Variants in OR4E2 observed in about 807,000 individuals in gnomAD.
OR4E2 encodes olfactory receptor 4E2.
In OR4E2, 9 loss-of-function variants were observed where a neutral mutation model predicts 11.0. The observed-to-expected ratio is 0.82, with a 90% CI of 0.49 to 1.43. OR4E2 has a LOEUF of 1.43. OR4E2 is among the 40% of genes most tolerant of loss of function. The probability of loss-of-function intolerance (pLI) is 0.00; values close to 1 mark genes in which losing one functional copy is unlikely to be tolerated. For synonymous variants in OR4E2, 159 were observed against 147.3 expected (o/e 1.08, Z -0.57); for missense variants, 441 against 382.0 (o/e 1.15, Z -1.29).
rs530038294 is a variant in OR4E2 at position 21,665,886 on chromosome 14, C to T, written c.804C>T (p.Asp268=). 9.3e-6 allele frequency: 15 copies of T among 1,609,654 alleles called. No homozygotes were observed. The South Asian group carries it at 1.7e-4, about 18-fold the overall frequency. ...GGCCAGACACCAGCTTCTCCATTGA[C>T]AAGGTGGTGTCTGTCTTCTACACAG... The part of the protein sequence containing the change: ...YTRPDTSFSI[D]KVVSVFYTVV... Residue 268 remains aspartate, a synonymous_variant, in exon 4 of 4, where the codon GAC becomes GAT. Transcript: ENST00000641524.
Position 21,665,263 on chromosome 14 carries a change from T to A in OR4E2, c.181T>A (p.Phe61Ile). ...TCCAAGTCTCCATACCCCCATGTAT[T>A]TCTTCCTGAGCAATCTGTCCTTTAT... ...FTPSLHTPMY[F>I]FLSNLSFIDI... The change falls in exon 4 of 4, where the codon TTC (phenylalanine) becomes ATC (isoleucine). Residue 61 changes from phenylalanine to isoleucine, a missense_variant. Physicochemically the swap from Phe to Ile is conservative, Grantham distance 21. Transcript: ENST00000641524. 6.2e-7 allele frequency: 1 copy of A among 1,614,166 alleles called. No homozygotes were observed. Among genetic ancestry groups the A allele is most frequent in the Non-Finnish European group, 8.5e-7 (1 of 1,180,000 alleles).
intron 3 of OR4E2, among the ~76,000 whole-genome samples, chr14:21,663,267 C>T (rs1880435618): frequency 6.6e-6 from 1 of 152,072 alleles, no homozygotes. Flanking sequence ...ATCACGAGGT[C>T]AGGAGATTGA....
intron 3 of OR4E2, among the ~76,000 whole-genome samples, chr14:21,661,783 G>A (rs1211898475): frequency 6.6e-6 from 1 of 152,026 alleles, no homozygotes; most frequent in African/African-American, 2.4e-5. Flanking sequence ...GTCCTCTATT[G>A]AGAAACATTC....
chr14:21,655,930 A>G (rs1879916027), intron 1 of OR4E2, among the ~76,000 whole-genome samples: 1 of 152,102 alleles, frequency 6.6e-6, no homozygotes, highest in African/African-American at 2.4e-5. Context: ...TAAAGGAAAA[A>G]TGTAAAATTT....
In OR4E2 at chr14:21,665,804, C is replaced by A; in HGVS notation, c.722C>A (p.Ser241Ter). 3 of 1,613,540 alleles carry A rather than the reference C, an allele frequency of 1.9e-6. No individual in the cohort carries two copies. Among genetic ancestry groups the A allele is most frequent in the Non-Finnish European group, 2.5e-6 (3 of 1,179,756 alleles). ...EGRRKALSTCSAHFMVVALFF... is the reference protein window; with the variant it reads ...EGRRKALSTC ...CGCCGGAAAGCCCTGTCTACCTGCTCGGCCCACTTCATGGTGGTTGCCCTC... is the reference window on the plus strand; with the variant it reads ...CGCCGGAAAGCCCTGTCTACCTGCTAGGCCCACTTCATGGTGGTTGCCCTC... The change falls in exon 4 of 4, where the codon TCG becomes TAG. Residue 241 changes from serine to a stop codon, truncating the protein, a stop_gained. Transcript: ENST00000641524. LOFTEE classifies it high-confidence loss of function.
intron 2 of OR4E2, among the ~76,000 whole-genome samples, chr14:21,658,773 A>C (rs779542689): frequency 2.6e-5 from 4 of 152,174 alleles, no homozygotes; most frequent in Non-Finnish European, 4.4e-5. Flanking sequence ...AAAGGTAGAC[A>C]AAGAGCAGGA....
In OR4E2 at chr14:21,664,005, A is replaced by G. The variant is rs185822577; in HGVS notation, c.-8-1070A>G. Among the ~76,000 whole-genome samples, 3 of 152,316 alleles carry G rather than the reference A, an allele frequency of 2.0e-5. No homozygotes were observed. The East Asian group carries it at 5.8e-4, about 29-fold the overall frequency. On this transcript the variant is annotated intron_variant, in intron 3 of 3. Coordinates refer to ENST00000641524, the MANE Select transcript of OR4E2 (RefSeq NM_001001912.3). ...ATTTTCTTTATTCATTCTATCATTG[A>G]TGGGCATTTAGGCTGATTCCATGAC...
chr14:21,656,045 A>C (rs1410661521), intron 1 of OR4E2, among the ~76,000 whole-genome samples: 1 of 152,128 alleles, frequency 6.6e-6, no homozygotes, highest in Non-Finnish European at 1.5e-5. Context: ...TGGGAGGCTG[A>C]GGCAAGAGAA....
At chr14:21,654,798 G>T (rs1879854467) in intron 1 of OR4E2, among the ~76,000 whole-genome samples, 1 of 152,086 alleles carries the variant, frequency 6.6e-6, no homozygotes, top group Non-Finnish European at 1.5e-5. Flanking sequence ...TTTATTATGA[G>T]ACTGTGGATT....
At position 21,657,445 on chromosome 14, in the gene OR4E2, TTCCTTCC is replaced by T. The variant is rs1566582005; in HGVS notation, c.-103+858_-103+864del. Among the ~76,000 whole-genome samples, 7 of 3,586 alleles carry T rather than the reference TTCCTTCC, an allele frequency of 2.0e-3. No homozygotes were observed. The East Asian group carries it at 0.041, about 21-fold the overall frequency. The allele number at this position is 3,586 out of a possible 152,430, so 2.4% of individuals were successfully genotyped here. A position where few individuals can be genotyped will look rare whatever the true frequency, so the allele number is the denominator to read the frequency against. On this transcript the variant is annotated intron_variant, in intron 2 of 3. Transcript: ENST00000641524. ...TTCTCTTTCTTTCTTCTTTCTTTCC[TTCCTTCC>T]TTCCTTCCTTCCTTCCTTCCTTCCT...
Position 21,666,526 on chromosome 14 carries a change from A to G in OR4E2, c.*502A>G, listed in dbSNP as rs1880658772. 6.6e-6 allele frequency: 1 copy of G among 152,270 alleles called. No homozygotes were observed. 9.4% of individuals were successfully genotyped at this position (152,270 alleles called of 1,614,324 possible). A position where few individuals can be genotyped will look rare whatever the true frequency, so the allele number is the denominator to read the frequency against. On this transcript the variant is annotated 3_prime_UTR_variant, in exon 4 of 4. Transcript: ENST00000641524. ...TTAAACTTTTGTTGCTTTTGAATGT[A>G]ATTCTCTCATGTCTAGATCTATTTT...
intron 2 of OR4E2, among the ~76,000 whole-genome samples, chr14:21,658,743 G>C (rs1231280257): frequency 6.6e-6 from 1 of 152,110 alleles, no homozygotes; most frequent in Non-Finnish European, 1.5e-5. Flanking sequence ...GAACTCTAGA[G>C]CTCTTGGAAG....
At position 21,665,468 on chromosome 14, in the gene OR4E2, C is replaced by T; in HGVS notation, c.386C>T (p.Pro129Leu). Residue 129 changes from proline to leucine, a missense_variant, in exon 4 of 4, where the codon CCA (proline) becomes CTA (leucine). Pro to Leu is a moderately conservative substitution (Grantham distance 98). Transcript: ENST00000641524. ...GATCGTTACGTGGCTATCTGCACTC[C>T]ACTCCACTACCCCAATGTGATGAAC... is the stretch of plus-strand genomic sequence containing the variant. The part of the protein sequence containing the change: ...AYDRYVAICT[P>L]LHYPNVMNMR... 1.2e-6 allele frequency: 2 copies of T among 1,614,086 alleles called. No homozygotes were observed. Among genetic ancestry groups the T allele is most frequent in the East Asian group, 4.5e-5 (2 of 44,880 alleles).
At chr14:21,656,993 C>T (rs753823054) in intron 2 of OR4E2, among the ~76,000 whole-genome samples, 3 of 152,216 alleles carry the variant, frequency 2.0e-5, no homozygotes, top group Non-Finnish European at 4.4e-5. Context: ...ACCATCACTT[C>T]TGTTTGCTTT....
chr14:21,660,077 C>T (rs1188748119), intron 2 of OR4E2, among the ~76,000 whole-genome samples: 1 of 151,878 alleles, frequency 6.6e-6, no homozygotes, highest in Non-Finnish European at 1.5e-5. Flanking sequence ...TTTTTGGCAC[C>T]AGGGACCAGT....
At chr14:21,654,387 CA>C (rs1879811644) in intron 1 of OR4E2, among the ~76,000 whole-genome samples, 2 of 151,052 alleles carry the variant, frequency 1.3e-5, no homozygotes, top group South Asian at 4.2e-4. Context: ...CACGCATGCA[CA>C]CACACACACG....
rs750654387 is a variant in OR4E2 at position 21,665,105 on chromosome 14, G to T, written c.23G>T (p.Arg8Ile). MDSLNQTRVTEFVFLGLT... is the reference protein window; with the variant it reads MDSLNQTIVTEFVFLGLT... ...TGAATGGACAGTCTAAACCAAACAA[G>T]AGTGACTGAATTTGTCTTCTTGGGA... The change falls in exon 4 of 4, where the codon AGA becomes ATA. Residue 8 changes from arginine to isoleucine, a missense_variant. By Grantham distance (97) the Arg-to-Ile change is moderately conservative. Coordinates refer to ENST00000641524, the MANE Select transcript of OR4E2 (RefSeq NM_001001912.3). 5.6e-6 allele frequency: 9 copies of T among 1,610,852 alleles called. No individual in the cohort carries two copies. The highest frequency in any genetic ancestry group is 1.6e-4 in the Middle Eastern group (1 of 6,082).
At position 21,665,466 on chromosome 14, in the gene OR4E2, T is replaced by C. The variant is rs1267225339; in HGVS notation, c.384T>C (p.Thr128=). Residue 128 remains threonine, a synonymous_variant, in exon 4 of 4, where the codon ACT becomes ACC. Coordinates refer to ENST00000641524, the MANE Select transcript of OR4E2 (RefSeq NM_001001912.3). ...MAYDRYVAIC[T]PLHYPNVMNM... ...ATGATCGTTACGTGGCTATCTGCAC[T>C]CCACTCCACTACCCCAATGTGATGA... 4 of 1,613,752 alleles carry C rather than the reference T, an allele frequency of 2.5e-6. No individual in the cohort carries two copies. Among genetic ancestry groups the C allele is most frequent in the Middle Eastern group, 1.6e-4 (1 of 6,084 alleles).
At chr14:21,655,744 A>G (rs919138647) in intron 1 of OR4E2, among the ~76,000 whole-genome samples, 2 of 152,160 alleles carry the variant, frequency 1.3e-5, no homozygotes, top group African/African-American at 4.8e-5. Flanking sequence ...ATATCCCCTA[A>G]AAGTGTGCTT....
Sources: allele counts gnomAD v4.1 joint callset (sites outside exome capture counted in the v4.1 genomes callset), GRCh38; gene constraint gnomAD v4.1.1; transcripts MANE v1.5; gene names NCBI Gene and HGNC (gene_info 2026-07-23, HGNC 2026-07-21).